ENTREP2: variants seen among roughly 807,000 people sequenced by gnomAD.
The protein encoded by ENTREP2 is protein ENTREP2.
At chr15:29,137,533 G>A in the ENTREP2 span, among the ~76,000 whole-genome samples, 9 of 152,248 alleles carry the variant, frequency 5.9e-5, no homozygotes, top group African/African-American at 1.4e-4. Context: ...CCTGACGTGC[G>A]TGGTTTAAGA....
the ENTREP2 span, among the ~76,000 whole-genome samples, chr15:29,460,761 A>G: frequency 3.5e-4 from 54 of 152,374 alleles, no homozygotes; most frequent in Non-Finnish European, 5.6e-4. Flanking sequence ...TTCTAAGCTA[A>G]CAATTCTAAA....
the ENTREP2 span, among the ~76,000 whole-genome samples, chr15:29,633,646 C>T: frequency 6.6e-6 from 1 of 151,944 alleles, no homozygotes; most frequent in Non-Finnish European, 1.5e-5. Context: ...TTTTAGTGTC[C>T]ACACACTTAA....
At chr15:29,257,156 C>G in the ENTREP2 span, among the ~76,000 whole-genome samples, 1 of 151,954 alleles carries the variant, frequency 6.6e-6, no homozygotes, top group Non-Finnish European at 1.5e-5. Context: ...TCACCGCAGT[C>G]TCCACCTCCC....
the ENTREP2 span, among the ~76,000 whole-genome samples, chr15:29,588,976 C>T: frequency 4.9e-5 from 7 of 143,588 alleles, no homozygotes; most frequent in Non-Finnish European, 7.5e-5. Context: ...GGTGACAGAG[C>T]GAGACCTTGT....
At chr15:29,151,262 T>G in the ENTREP2 span, among the ~76,000 whole-genome samples, 1 of 152,318 alleles carries the variant, frequency 6.6e-6, no homozygotes, top group East Asian at 1.9e-4. Flanking sequence ...TGATGGCCAG[T>G]GACTGGCCTC....
chr15:29,652,822 C>T, the ENTREP2 span, among the ~76,000 whole-genome samples: 6 of 152,232 alleles, frequency 3.9e-5, no homozygotes, highest in African/African-American at 1.4e-4. Flanking sequence ...CACTCCACGC[C>T]TGGCTCAACC....
the ENTREP2 span, among the ~76,000 whole-genome samples, chr15:29,170,731 C>T: frequency 2.6e-5 from 4 of 152,214 alleles, no homozygotes; most frequent in East Asian, 1.9e-4. Context: ...AGGAAGAGGG[C>T]GCTTGCCAGA....
the ENTREP2 span, among the ~76,000 whole-genome samples, chr15:29,477,409 A>T: frequency 8.8e-6 from 1 of 113,878 alleles, no homozygotes; most frequent in Non-Finnish European, 1.8e-5. Flanking sequence ...AGACTTCAAC[A>T]AAAAGTGCAA....
chr15:29,352,457 C>T, the ENTREP2 span, among the ~76,000 whole-genome samples: 2 of 152,188 alleles, frequency 1.3e-5, no homozygotes, highest in Non-Finnish European at 2.9e-5. Context: ...CAAAGCAGAT[C>T]AGATACTGTG....
At chr15:29,229,202 A>G in the ENTREP2 span, among the ~76,000 whole-genome samples, 49,096 of 150,846 alleles carry the variant, frequency 0.33, 9,490 homozygotes, top group East Asian at 0.6. Flanking sequence ...TTAAATAATC[A>G]TTAGAGATAT....
the ENTREP2 span, among the ~76,000 whole-genome samples, chr15:29,336,513 G>A: frequency 6.6e-6 from 1 of 152,096 alleles, no homozygotes; most frequent in African/African-American, 2.4e-5. Flanking sequence ...GTCTCACTAT[G>A]TTGCCCAGGC....
chr15:29,541,828 G>C, the ENTREP2 span, among the ~76,000 whole-genome samples: 1 of 152,174 alleles, frequency 6.6e-6, no homozygotes, highest in Non-Finnish European at 1.5e-5. Context: ...GGAAGAAAGG[G>C]AAGGGCTTTA....
the ENTREP2 span, among the ~76,000 whole-genome samples, chr15:29,245,260 G>A: frequency 1.3e-5 from 2 of 152,026 alleles, no homozygotes; most frequent in East Asian, 1.9e-4. Flanking sequence ...AACATGGAAA[G>A]TTCATATGTA....
the ENTREP2 span, among the ~76,000 whole-genome samples, chr15:29,546,849 T>C: frequency 2.2e-5 from 3 of 138,704 alleles, no homozygotes; most frequent in Non-Finnish European, 3.0e-5. Flanking sequence ...ATCACGCCAC[T>C]GCACTCCAGC....
the ENTREP2 span, among the ~76,000 whole-genome samples, chr15:29,541,208 C>G: frequency 6.6e-6 from 1 of 152,158 alleles, no homozygotes; most frequent in Non-Finnish European, 1.5e-5. Context: ...AAAGACTCAC[C>G]AGACCCACCT....
At chr15:29,316,618 T>C in the ENTREP2 span, among the ~76,000 whole-genome samples, 2 of 152,216 alleles carry the variant, frequency 1.3e-5, no homozygotes, top group African/African-American at 4.8e-5. Context: ...GGGGTACTGA[T>C]GACGCAAGAA....
chr15:29,570,178 T>TGTCCCCGGCGCGCGCG, the ENTREP2 span, among the ~76,000 whole-genome samples: 4 of 151,058 alleles, frequency 2.6e-5, no homozygotes, highest in Non-Finnish European at 5.9e-5. Flanking sequence ...GGCGAGGTCG[T>TGTCCCCGGCGCGCGCG]GTCCCCGGCG....
At chr15:29,486,247 A>G in the ENTREP2 span, among the ~76,000 whole-genome samples, 1 of 152,212 alleles carries the variant, frequency 6.6e-6, no homozygotes, top group Non-Finnish European at 1.5e-5. Context: ...GCCTTTTTTA[A>G]TAACATGGAT....
At chr15:29,174,722 A>AAAAAAAAAT in the ENTREP2 span, among the ~76,000 whole-genome samples, 1 of 151,666 alleles carries the variant, frequency 6.6e-6, no homozygotes, top group African/African-American at 2.4e-5. Flanking sequence ...AAAAAAAAAA[A>AAAAAAAAAT]GAAAACTAGA....
Sources: gnomAD v4.1 joint callset for allele counts (sites outside exome capture counted in the v4.1 genomes callset) on GRCh38, gnomAD v4.1.1 for gene constraint, MANE v1.5 for transcripts, NCBI Gene and HGNC (gene_info 2026-07-23, HGNC 2026-07-21) for gene names.